OTUD7A: variants seen among roughly 807,000 people sequenced by gnomAD.
OTUD7A encodes the protein OTU domain-containing protein 7A.
A neutral mutation model predicts 65.7 loss-of-function variants in OTUD7A; 12 were observed. The ratio of observed to expected loss-of-function variants is 0.18; its 90% confidence interval spans 0.12 to 0.30. OTUD7A has a LOEUF of 0.30. OTUD7A is among the 10% of genes least tolerant of loss of function. OTUD7A has a pLI of 1.00. For missense variants in OTUD7A, 1,148 were observed against 1,304.8 expected (o/e 0.88, Z 1.85); for synonymous variants, 641 against 586.3 (o/e 1.09, Z -1.35).
At chr15:31,745,635 A>T (rs1203900426) in intron 1 of OTUD7A, among the ~76,000 whole-genome samples, 1 of 152,180 alleles carries the variant, frequency 6.6e-6, no homozygotes, top group Non-Finnish European at 1.5e-5. Context: ...GTAGCTACAG[A>T]TTTCTCAGAA....
At chr15:31,614,971 T>C (rs1890540938) in intron 3 of OTUD7A, among the ~76,000 whole-genome samples, 1 of 152,160 alleles carries the variant, frequency 6.6e-6, no homozygotes, top group Non-Finnish European at 1.5e-5. Context: ...TATCGTAACC[T>C]CTATCGTAAC....
chr15:31,600,888 T>C (rs1337500998), intron 3 of OTUD7A, among the ~76,000 whole-genome samples: 1 of 152,150 alleles, frequency 6.6e-6, no homozygotes, highest in Admixed American at 6.5e-5. Context: ...GGTAAAGTGA[T>C]CAAGGCAACA....
intron 5 of OTUD7A, among the ~76,000 whole-genome samples, chr15:31,547,246 AT>A: frequency 6.6e-6 from 1 of 152,366 alleles, no homozygotes; most frequent in East Asian, 1.9e-4. Flanking sequence ...GCAAAAGAGT[AT>A]GTCTGAAATA....
At chr15:31,791,502 A>T (rs1409810380) in intron 1 of OTUD7A, among the ~76,000 whole-genome samples, 1 of 152,168 alleles carries the variant, frequency 6.6e-6, no homozygotes, top group Non-Finnish European at 1.5e-5. Context: ...TGAAATGCCC[A>T]CATCTCTGCT....
chr15:31,631,756 A>G (rs529074085), intron 3 of OTUD7A, among the ~76,000 whole-genome samples: 43 of 152,272 alleles, frequency 2.8e-4, no homozygotes, highest in Non-Finnish European at 4.1e-4. Context: ...CTTTTCACAT[A>G]GTCCCATATT....
chr15:31,628,573 C>A (rs557043194), intron 3 of OTUD7A, among the ~76,000 whole-genome samples: 20 of 152,220 alleles, frequency 1.3e-4, no homozygotes, highest in African/African-American at 4.6e-4. Flanking sequence ...CTTGGCAATG[C>A]GGGCTCTTTT....
At chr15:31,807,643 C>T (rs936835391) in intron 1 of OTUD7A, among the ~76,000 whole-genome samples, 9 of 152,162 alleles carry the variant, frequency 5.9e-5, no homozygotes, top group African/African-American at 1.4e-4. Context: ...CCTAACACTA[C>T]GGCTATGCTC....
At chr15:31,680,356 C>T (rs1285299608) in intron 1 of OTUD7A, among the ~76,000 whole-genome samples, 1 of 152,102 alleles carries the variant, frequency 6.6e-6, no homozygotes, top group East Asian at 1.9e-4. Flanking sequence ...AAGGATGTTC[C>T]CTACAGCATA....
In OTUD7A at chr15:31,481,613, T is replaced by C. The variant is rs1197501762; in HGVS notation, c.*1681A>G. ...AATTTTTGATTTAAGGAACCACTTA[T>C]GCAAAACTTGAACAAATTACTGAAA... On this transcript the variant is annotated 3_prime_UTR_variant, in exon 13 of 13. Transcript: ENST00000307050. 3 of 152,206 alleles carry C rather than the reference T, an allele frequency of 2.0e-5. No homozygotes were observed. Among genetic ancestry groups the C allele is most frequent in the Non-Finnish European group, 4.4e-5 (3 of 68,026 alleles). 9.4% of individuals were successfully genotyped at this position (152,206 alleles called of 1,614,324 possible). A position where few individuals can be genotyped will look rare whatever the true frequency, so the allele number is the denominator to read the frequency against.
intron 1 of OTUD7A, among the ~76,000 whole-genome samples, chr15:31,662,048 T>C (rs1386858550): frequency 6.6e-6 from 1 of 152,214 alleles, no homozygotes; most frequent in African/African-American, 2.4e-5. Flanking sequence ...CTCGATCAGA[T>C]TCAGATTCAA....
rs2041003495 is a variant in OTUD7A, at chr15:31,475,455, G to T, written c.*7839C>A. The T allele has an allele frequency of 6.6e-6, 1 of 152,140 alleles. No homozygotes were observed. Among genetic ancestry groups the T allele is most frequent in the African/African-American group, 2.4e-5 (1 of 41,428 alleles). 9.4% of individuals were successfully genotyped at this position (152,140 alleles called of 1,614,324 possible). A position where few individuals can be genotyped will look rare whatever the true frequency, so the allele number is the denominator to read the frequency against. On this transcript the variant is annotated 3_prime_UTR_variant, in exon 13 of 13. Transcript: ENST00000307050. ...GCATCAAAGCTTCTCTCTGTGTCAG[G>T]TAATGGAGAAGCCATGTCACACAGA...
chr15:31,563,765 G>T (rs572758940), intron 4 of OTUD7A, among the ~76,000 whole-genome samples: 1 of 152,374 alleles, frequency 6.6e-6, no homozygotes, highest in East Asian at 1.9e-4. Flanking sequence ...CTAGAAGAGA[G>T]GAGCTGGGAG....
chr15:31,627,002 G>T (rs182119736), intron 3 of OTUD7A, among the ~76,000 whole-genome samples: 3 of 150,922 alleles, frequency 2.0e-5, no homozygotes, highest in Admixed American at 2.0e-4. Flanking sequence ...TTGTAATCTT[G>T]CTAATGGGGG....
chr15:31,763,233 A>G (rs968802468), intron 1 of OTUD7A, among the ~76,000 whole-genome samples: 1 of 152,156 alleles, frequency 6.6e-6, no homozygotes, highest in Non-Finnish European at 1.5e-5. Context: ...CAGTGAGCAG[A>G]GATCGTGCCA....
At chr15:31,664,570 T>C (rs944395257) in intron 1 of OTUD7A, among the ~76,000 whole-genome samples, 2 of 152,208 alleles carry the variant, frequency 1.3e-5, no homozygotes, top group Non-Finnish European at 2.9e-5. Context: ...CTTTGTCAGA[T>C]GTATAGATTG....
At chr15:31,697,682 C>T (rs920452509) in intron 1 of OTUD7A, among the ~76,000 whole-genome samples, 13 of 152,200 alleles carry the variant, frequency 8.5e-5, no homozygotes, top group African/African-American at 3.1e-4. Context: ...ATTACATTTT[C>T]ACAACAACCC....
intron 1 of OTUD7A, chr15:31,767,140 G>C (rs10152378): frequency 6.9e-7 from 1 of 1,454,126 alleles, no homozygotes; most frequent in Non-Finnish European, 9.6e-7. Flanking sequence ...CTACGAAGCA[G>C]ACTGAGAAGG....
chr15:31,725,379 G>A lies in OTUD7A; in HGVS notation c.-99-68302C>T, dbSNP rs559742205. On this transcript the variant is annotated intron_variant, in intron 1 of 12. Transcript: ENST00000307050. Reference sequence around the variant, plus strand: ...TGTGTGGGTGTGACTGTATGGTTGCGTGGTATCAGCTAACTTGTTCTTTTA... The same window carrying A: ...TGTGTGGGTGTGACTGTATGGTTGCATGGTATCAGCTAACTTGTTCTTTTA... Among the ~76,000 whole-genome samples the A allele has an allele frequency of 1.6e-4, 24 of 152,240 alleles. No individual in the cohort carries two copies. The South Asian group carries it at 4.8e-3, about 30-fold the overall frequency.
intron 12 of OTUD7A, among the ~76,000 whole-genome samples, chr15:31,486,363 G>C (rs143724391): frequency 6.6e-6 from 1 of 152,300 alleles, no homozygotes; most frequent in East Asian, 1.9e-4. Context: ...ATGACGTACA[G>C]GCAGAGGCTG....
Sources: allele counts gnomAD v4.1 joint callset (sites outside exome capture counted in the v4.1 genomes callset), GRCh38; gene constraint gnomAD v4.1.1; transcripts MANE v1.5; gene names NCBI Gene and HGNC (gene_info 2026-07-23, HGNC 2026-07-21).